The following CACNB2 variants were observed in gnomAD, a reference collection of about 807,000 sequenced individuals.
CACNB2 encodes calcium voltage-gated channel auxiliary subunit beta 2.
CACNB2 carries 42 observed loss-of-function variants against 73.3 expected under a neutral mutation model. The observed-to-expected ratio is 0.57, with a 90% CI of 0.45 to 0.74. The LOEUF (loss-of-function observed/expected upper bound fraction) is 0.74. CACNB2 is among the 30% of genes least tolerant of loss of function. The pLI is 0.00. For missense variants in CACNB2, 940 were observed against 853.0 expected (o/e 1.10, Z -1.27); for synonymous variants, 348 against 310.3 (o/e 1.12, Z -1.28).
chr10:18,370,353 G>A (rs1360508791), intron 2 of CACNB2, among the ~76,000 whole-genome samples: 1 of 152,108 alleles, frequency 6.6e-6, no homozygotes, highest in Non-Finnish European at 1.5e-5. Flanking sequence ...GAGTACAGGG[G>A]CACTATCTGG....
In CACNB2 at chr10:18,527,638, TATTA is replaced by T; in HGVS notation, c.997_1000del (p.Leu333ThrfsTer8). ...GACATCTCGCTTGCCAAACGCTCGG[TATTA>T]AACAATCCCAGTAAGCACGCAATAA... On this transcript the variant is annotated frameshift_variant, in exon 10 of 14. Transcript: ENST00000324631. LOFTEE classifies it high-confidence loss of function. The T allele has an allele frequency of 6.2e-7, 1 of 1,614,034 alleles. No individual in the cohort carries two copies. Among genetic ancestry groups the T allele is most frequent in the Non-Finnish European group, 8.5e-7 (1 of 1,179,994 alleles).
At chr10:18,299,146 T>G (rs535498062) in intron 2 of CACNB2, among the ~76,000 whole-genome samples, 7 of 148,230 alleles carry the variant, frequency 4.7e-5, no homozygotes, top group African/African-American at 1.7e-4. Flanking sequence ...AGTTACCAAG[T>G]AAATATTAAC....
At chr10:18,365,682 C>G (rs1321856707) in intron 2 of CACNB2, among the ~76,000 whole-genome samples, 1 of 152,112 alleles carries the variant, frequency 6.6e-6, no homozygotes, top group African/African-American at 2.4e-5. Context: ...AATATTTTCT[C>G]TGGATTATAA....
At chr10:18,255,542 C>T (rs1346948849) in intron 2 of CACNB2, among the ~76,000 whole-genome samples, 1 of 152,158 alleles carries the variant, frequency 6.6e-6, no homozygotes, top group Non-Finnish European at 1.5e-5. Context: ...AAGGCAAGGA[C>T]ATTGGTTGTT....
intron 9 of CACNB2, among the ~76,000 whole-genome samples, chr10:18,526,061 T>C (rs2052440855): frequency 6.6e-6 from 1 of 152,224 alleles, no homozygotes; most frequent in Non-Finnish European, 1.5e-5. Flanking sequence ...AATTTTAAAA[T>C]AAGGCATAAA....
chr10:18,164,068 G>A (rs2032668823), intron 2 of CACNB2, among the ~76,000 whole-genome samples: 3 of 152,162 alleles, frequency 2.0e-5, no homozygotes, highest in African/African-American at 7.2e-5. Flanking sequence ...CTTTCTATTG[G>A]CAAGGTTATT....
intron 2 of CACNB2, among the ~76,000 whole-genome samples, chr10:18,242,835 A>C (rs1399616244): frequency 6.6e-6 from 1 of 151,118 alleles, no homozygotes; most frequent in African/African-American, 2.4e-5. Flanking sequence ...ATGCAAAAAA[A>C]AAAAAACCAA....
chr10:18,384,451 C>T (rs569651562), intron 2 of CACNB2, among the ~76,000 whole-genome samples: 6 of 152,036 alleles, frequency 3.9e-5, no homozygotes, highest in Non-Finnish European at 7.4e-5. Flanking sequence ...GTTGGCCAGG[C>T]GCAGTGGTTT....
chr10:18,470,296 G>A (rs1363473246), intron 3 of CACNB2, among the ~76,000 whole-genome samples: 2 of 149,802 alleles, frequency 1.3e-5, no homozygotes, highest in East Asian at 3.9e-4. Context: ...AGGTTGGCCT[G>A]GCCAACATGT....
chr10:18,538,977 G>A (rs1223475814), intron 13 of CACNB2, among the ~76,000 whole-genome samples: 5 of 137,862 alleles, frequency 3.6e-5, no homozygotes, highest in Non-Finnish European at 8.0e-5. Context: ...TTTCCCTGCT[G>A]CTGCTTTTTT....
At chr10:18,483,584 A>C (rs2048903914) in intron 3 of CACNB2, among the ~76,000 whole-genome samples, 2 of 152,082 alleles carry the variant, frequency 1.3e-5, no homozygotes, top group Non-Finnish European at 2.9e-5. Context: ...GTATAAAATA[A>C]ATGATGAAAT....
At chr10:18,515,931 G>C (rs1036527449) in intron 7 of CACNB2, among the ~76,000 whole-genome samples, 1 of 152,196 alleles carries the variant, frequency 6.6e-6, no homozygotes, top group Admixed American at 6.5e-5. Flanking sequence ...AATTTGAGCA[G>C]GCAGGGCGCA....
chr10:18,149,021 A>G (rs1033553738), intron 1 of CACNB2, among the ~76,000 whole-genome samples: 1 of 149,300 alleles, frequency 6.7e-6, no homozygotes, highest in African/African-American at 2.5e-5. Context: ...AAAAAAAAAA[A>G]TGGGATGAGA....
intron 5 of CACNB2, among the ~76,000 whole-genome samples, chr10:18,503,199 G>T (rs561912012): frequency 3.3e-5 from 5 of 152,316 alleles, no homozygotes; most frequent in African/African-American, 7.2e-5. Context: ...TGCCTGCAGG[G>T]TGTTTGAAGA....
intron 2 of CACNB2, among the ~76,000 whole-genome samples, chr10:18,343,529 A>G (rs549507122): frequency 3.9e-5 from 6 of 152,164 alleles, no homozygotes; most frequent in Non-Finnish European, 5.9e-5. Flanking sequence ...AATTTTTTAA[A>G]ACGATCAGAG....
chr10:18,380,827 GA>G (rs2042986482), intron 2 of CACNB2, among the ~76,000 whole-genome samples: 2 of 152,074 alleles, frequency 1.3e-5, no homozygotes, highest in Admixed American at 1.3e-4. Flanking sequence ...GCGCATTAAA[GA>G]AAAGATGAAT....
At chr10:18,504,924 C>T (rs777650329) in intron 5 of CACNB2, among the ~76,000 whole-genome samples, 28 of 152,264 alleles carry the variant, frequency 1.8e-4, no homozygotes, top group African/African-American at 6.3e-4. Flanking sequence ...GGATTACAGG[C>T]GTGAGCCACC....
chr10:18,179,249 G>C (rs1188355371), intron 2 of CACNB2, among the ~76,000 whole-genome samples: 1 of 152,070 alleles, frequency 6.6e-6, no homozygotes, highest in South Asian at 2.1e-4. Context: ...AAAAAGAAAG[G>C]GTTTATAAAT....
intron 3 of CACNB2, among the ~76,000 whole-genome samples, chr10:18,429,031 A>G (rs1186520002): frequency 6.6e-6 from 1 of 152,200 alleles, no homozygotes; most frequent in African/African-American, 2.4e-5. Context: ...TTTCTTTCAC[A>G]TATCAAAGAT....
Sources: gnomAD v4.1 joint callset for allele counts (sites outside exome capture counted in the v4.1 genomes callset) on GRCh38, gnomAD v4.1.1 for gene constraint, MANE v1.5 for transcripts, NCBI Gene and HGNC (gene_info 2026-07-23, HGNC 2026-07-21) for gene names.